SAP130: variants seen among roughly 807,000 people sequenced by gnomAD.
SAP130 encodes Sin3A associated protein 130, also known as histone deacetylase complex subunit SAP130.
A neutral mutation model predicts 103.2 loss-of-function variants in SAP130; 16 were observed. That is an observed-to-expected ratio of 0.16 (90% CI 0.10 to 0.24). The LOEUF (loss-of-function observed/expected upper bound fraction) is 0.24. Among genes scored for constraint, SAP130 ranks in the 10% least tolerant of loss-of-function variants. SAP130 has a pLI of 1.00. For missense variants in SAP130, 990 were observed against 1,359.7 expected, an observed-to-expected ratio of 0.73 and a Z score of 4.28; for synonymous variants, 477 against 497.0, an observed-to-expected ratio of 0.96 and a Z score of 0.53.
chr2:127,965,792 AAG>A (rs1040953419), intron 15 of SAP130, among the ~76,000 whole-genome samples: 2 of 151,872 alleles, frequency 1.3e-5, no homozygotes, highest in African/African-American at 4.8e-5. Flanking sequence ...TGTCTCAAAA[AAG>A]AGAGAGAGAG....
At chr2:128,021,275 T>C (rs1324269098) in intron 2 of SAP130, among the ~76,000 whole-genome samples, 4 of 151,558 alleles carry the variant, frequency 2.6e-5, no homozygotes, top group East Asian at 2.0e-4. Context: ...GGTGAAACCC[T>C]GTCTCTACTA....
intron 18 of SAP130, among the ~76,000 whole-genome samples, chr2:127,947,515 T>C: frequency 6.6e-6 from 1 of 152,194 alleles, no homozygotes; most frequent in Non-Finnish European, 1.5e-5. Flanking sequence ...CTCTGTCTGG[T>C]GTTGATAGCA....
intron 12 of SAP130, among the ~76,000 whole-genome samples, chr2:127,992,575 G>C (rs1485414977): frequency 6.6e-6 from 1 of 152,204 alleles, no homozygotes; most frequent in African/African-American, 2.4e-5. Flanking sequence ...ATGAGCCACT[G>C]CACCTGGCTG....
intron 12 of SAP130, 102 bp downstream of exon 12, chr2:127,993,085 G>C (rs1682923327): frequency 7.3e-7 from 1 of 1,362,162 alleles, no homozygotes; most frequent in Admixed American, 1.9e-5. Flanking sequence ...AACAGAAGCT[G>C]AAATAATTAA....
At position 128,010,371 on chromosome 2, in the gene SAP130, G is replaced by C. The variant is rs200815832; in HGVS notation, c.767C>G (p.Ser256Cys). The C allele has an allele frequency of 8.4e-5, 135 of 1,613,946 alleles. No individual in the cohort carries two copies. Among genetic ancestry groups the C allele is most frequent in the Admixed American group, 1.7e-4 (10 of 59,988 alleles). ...PIQSRPPVTT[S>C]NAIPPAVVAT... ...TACCACAGCAGGAGGGATGGCATTG[G>C]AGGTGGTCACAGGTGGCCGAGACTA... The change falls in exon 7 of 21, where the codon TCC becomes TGC. Residue 256 changes from serine (S) to cysteine (C), a missense_variant. By Grantham distance (112) the Ser-to-Cys change is moderately radical. This residue lies in a region of SAP130 where 336 missense variants were observed against 520.1 expected (regional missense o/e 0.65). Transcript: ENST00000643581.
chr2:127,998,317 T>C (rs906788560), intron 10 of SAP130, among the ~76,000 whole-genome samples: 1 of 152,226 alleles, frequency 6.6e-6, no homozygotes, highest in Non-Finnish European at 1.5e-5. Flanking sequence ...AAGAATGGTA[T>C]TCCATTGGAA....
chr2:127,986,715 G>A lies in SAP130; in HGVS notation c.1958+70C>T. 1 of 1,433,706 alleles carries A rather than the reference G, an allele frequency of 7.0e-7. No homozygotes were observed. Among genetic ancestry groups the A allele is most frequent in the Non-Finnish European group, 9.6e-7 (1 of 1,038,666 alleles). 88.8% of individuals were successfully genotyped at this position (1,433,706 alleles called of 1,614,324 possible). On this transcript the variant is annotated intron_variant, in intron 14 of 20. Coordinates refer to ENST00000643581, the MANE Select transcript of SAP130 (RefSeq NM_001330301.2). This position sits in a 1 kb window ranked among gnomAD's most constrained non-coding sequence, Gnocchi z 4.7. ...TGAGTTTGATACCAGCATTAGATAA[G>A]AGTGCCTATTATGTATACCAGTTAT...
chr2:127,992,694 A>G (rs1017236255), intron 12 of SAP130, among the ~76,000 whole-genome samples: 1 of 152,254 alleles, frequency 6.6e-6, no homozygotes, highest in Non-Finnish European at 1.5e-5. Context: ...AAAGAACACT[A>G]TTCACACGTC....
chr2:127,944,247 G>C (rs529186044), intron 19 of SAP130, among the ~76,000 whole-genome samples: 2 of 152,062 alleles, frequency 1.3e-5, no homozygotes, highest in East Asian at 3.9e-4. Flanking sequence ...TGTTGTCCAG[G>C]TGGGCCTCAA....
At chr2:127,990,908 C>A (rs1682744703) in intron 12 of SAP130, among the ~76,000 whole-genome samples, 2 of 150,672 alleles carry the variant, frequency 1.3e-5, no homozygotes, top group Non-Finnish European at 3.0e-5. Context: ...CACCACTGCA[C>A]CCAGCCTGAG....
At chr2:127,969,912 T>C (rs1416789716) in intron 15 of SAP130, among the ~76,000 whole-genome samples, 1 of 151,884 alleles carries the variant, frequency 6.6e-6, no homozygotes, top group African/African-American at 2.4e-5. Flanking sequence ...CTGTGCCATA[T>C]AGCAAGACCT....
At chr2:127,961,035 A>G (rs901609577) in intron 15 of SAP130, among the ~76,000 whole-genome samples, 4 of 146,660 alleles carry the variant, frequency 2.7e-5, no homozygotes, top group Non-Finnish European at 6.0e-5. Context: ...TGTCGCCCAG[A>G]CTGGAGTACA....
intron 10 of SAP130, among the ~76,000 whole-genome samples, chr2:127,998,139 C>T (rs564905237): frequency 6.6e-6 from 1 of 151,710 alleles, no homozygotes; most frequent in African/African-American, 2.4e-5. Flanking sequence ...ACCATACATT[C>T]TCAATAGTTA....
chr2:128,021,174 C>T (rs960455526), intron 2 of SAP130, among the ~76,000 whole-genome samples: 1 of 152,060 alleles, frequency 6.6e-6, no homozygotes, highest in Admixed American at 6.6e-5. Context: ...TGTGGCCGGG[C>T]GTGGTGGCTC....
intron 12 of SAP130, among the ~76,000 whole-genome samples, chr2:127,990,584 G>A (rs1159541806): frequency 6.6e-6 from 1 of 152,064 alleles, no homozygotes; most frequent in Non-Finnish European, 1.5e-5. Context: ...ATTTTAGACC[G>A]GCACTGTTCA....
At chr2:127,971,443 G>A (rs779405355) in intron 15 of SAP130, among the ~76,000 whole-genome samples, 5 of 151,884 alleles carry the variant, frequency 3.3e-5, no homozygotes, top group Admixed American at 1.3e-4. Flanking sequence ...CCGCCACCAC[G>A]CCTGGCTAAT....
intron 2 of SAP130, among the ~76,000 whole-genome samples, chr2:128,023,283 T>C (rs1359971001): frequency 6.6e-6 from 1 of 152,056 alleles, no homozygotes; most frequent in Non-Finnish European, 1.5e-5. Flanking sequence ...CATGAGCCAC[T>C]GTACAATTAG....
chr2:128,025,108 T>C (rs7560749), intron 2 of SAP130, among the ~76,000 whole-genome samples: 1 of 150,868 alleles, frequency 6.6e-6, no homozygotes, highest in African/African-American at 2.4e-5. Context: ...GAAAAAGGAA[T>C]AGAAAAGCAT....
chr2:128,005,650 CTTT>C (rs774112498), intron 7 of SAP130, among the ~76,000 whole-genome samples: 3 of 143,596 alleles, frequency 2.1e-5, no homozygotes, highest in East Asian at 2.0e-4. Context: ...GTTTTTCTTT[CTTT>C]TTTTTTTTTT....
Sources: gnomAD v4.1 joint callset for allele counts (sites outside exome capture counted in the v4.1 genomes callset) on GRCh38, gnomAD v4.1.1 for gene constraint, gnomAD v4.1.1 regional missense constraint, Gnocchi (gnomAD v3.1) non-coding constraint, MANE v1.5 for transcripts, NCBI Gene and HGNC (gene_info 2026-07-23, HGNC 2026-07-21) for gene names.